SIRT1: variants seen among roughly 807,000 people sequenced by gnomAD.
SIRT1 encodes the protein NAD-dependent protein deacetylase sirtuin-1.
In SIRT1, 24 loss-of-function variants were observed where a neutral mutation model predicts 67.9. The observed-to-expected ratio is 0.35, with a 90% CI of 0.26 to 0.50. The LOEUF is 0.50. Ranked by LOEUF, SIRT1 falls within the 20% of genes least tolerant of loss-of-function variation. The probability of loss-of-function intolerance (pLI) is 0.98; values close to 1 mark genes in which losing one functional copy is unlikely to be tolerated. For missense variants in SIRT1, 873 were observed against 937.2 expected (o/e 0.93, Z 0.89); for synonymous variants, 378 against 350.7 (o/e 1.08, Z -0.87).
At chr10:67,890,957 G>A (rs992413601) in intron 3 of SIRT1, among the ~76,000 whole-genome samples, 1 of 147,554 alleles carries the variant, frequency 6.8e-6, no homozygotes, top group African/African-American at 2.5e-5. Flanking sequence ...GTGAACCCAG[G>A]AGGCGGAGCT....
chr10:67,891,972 A>G (rs1424705260), intron 4 of SIRT1, among the ~76,000 whole-genome samples: 1 of 152,234 alleles, frequency 6.6e-6, no homozygotes, highest in Non-Finnish European at 1.5e-5. Flanking sequence ...TTGTAATTAG[A>G]GAATGGGAAG....
intron 5 of SIRT1, among the ~76,000 whole-genome samples, chr10:67,907,490 CAAAAAAAAAA>C (rs373037115): frequency 1.1e-4 from 12 of 109,036 alleles, no homozygotes; most frequent in Non-Finnish European, 1.4e-4. Flanking sequence ...GAGACTCTGT[CAAAAAAAAAA>C]AAAAAAAAGA....
intron 4 of SIRT1, among the ~76,000 whole-genome samples, chr10:67,894,991 C>T (rs1220189752): frequency 3.3e-5 from 5 of 152,074 alleles, no homozygotes; most frequent in Non-Finnish European, 7.3e-5. Flanking sequence ...CCACAATGTC[C>T]AGCTGATAAA....
intron 4 of SIRT1, among the ~76,000 whole-genome samples, chr10:67,892,285 T>C (rs901015289): frequency 6.6e-6 from 1 of 152,196 alleles, no homozygotes; most frequent in African/African-American, 2.4e-5. Flanking sequence ...TAAAATGTAT[T>C]TTGGGCTGTG....
chr10:67,901,599 C>G lies in SIRT1; in HGVS notation c.943-5191C>G, dbSNP rs568283470. ...CCTTGAACAAATTAAAAAACCCAGT[C>G]TTCAGCCTTGTCTGTAGCATAATAA... On this transcript the variant is annotated intron_variant, in intron 4 of 8. Transcript: ENST00000212015. Among the ~76,000 whole-genome samples the G allele has an allele frequency of 3.9e-5, 6 of 152,308 alleles. No individual in the cohort carries two copies. In the South Asian group the frequency reaches 1.2e-3, roughly 32 times the overall value.
At position 67,912,601 on chromosome 10, in the gene SIRT1, T is replaced by C. The variant is rs142339598; in HGVS notation, c.1485T>C (p.Gly495=). ...IINELCHRLG[G]EYAKLCCNPV... ...ATGAATTGTGTCATAGGTTAGGTGGTGAATATGCCAAACTTTGCTGTAACC... is the reference window on the plus strand; with the variant it reads ...ATGAATTGTGTCATAGGTTAGGTGGCGAATATGCCAAACTTTGCTGTAACC... Residue 495 remains glycine (G), a synonymous_variant, in exon 8 of 9, where the codon GGT becomes GGC. Coordinates refer to ENST00000212015, the MANE Select transcript of SIRT1 (RefSeq NM_012238.5). The C allele has an allele frequency of 1.9e-6, 3 of 1,614,056 alleles. No individual in the cohort carries two copies. The highest frequency in any genetic ancestry group is 2.5e-6 in the Non-Finnish European group (3 of 1,180,044).
intron 4 of SIRT1, among the ~76,000 whole-genome samples, 157 bp from the exon 5 acceptor site, chr10:67,906,633 G>T (rs1208699726): frequency 1.3e-5 from 2 of 152,142 alleles, no homozygotes; most frequent in Non-Finnish European, 2.9e-5. Context: ...CCGTCCTTTT[G>T]TAGGTGTGTG....
At chr10:67,885,882 CTT>C (rs1456001732) in intron 1 of SIRT1, among the ~76,000 whole-genome samples, 1 of 149,596 alleles carries the variant, frequency 6.7e-6, no homozygotes, top group South Asian at 2.1e-4. Flanking sequence ...GAGACACAAA[CTT>C]AACACTTCTA....
chr10:67,895,230 GC>G (rs1287648491), intron 4 of SIRT1, among the ~76,000 whole-genome samples: 3 of 152,046 alleles, frequency 2.0e-5, no homozygotes, highest in African/African-American at 4.8e-5. Flanking sequence ...GACCAGCCTG[GC>G]CAACACAGCA....
chr10:67,910,143 G>A (rs1003024650), intron 7 of SIRT1, among the ~76,000 whole-genome samples: 1 of 152,096 alleles, frequency 6.6e-6, no homozygotes, highest in Non-Finnish European at 1.5e-5. Flanking sequence ...GGGAGGCCGA[G>A]GTAGGTGGAT....
intron 1 of SIRT1, 144 bp downstream of exon 1, chr10:67,885,295 G>A (rs903014425): frequency 8.1e-7 from 1 of 1,241,296 alleles, no homozygotes; most frequent in Non-Finnish European, 1.0e-6. Context: ...GTTCAGCCGC[G>A]CTCCTCCGGG....
intron 4 of SIRT1, among the ~76,000 whole-genome samples, chr10:67,896,291 C>T (rs1308973750): frequency 6.6e-6 from 1 of 152,174 alleles, no homozygotes; most frequent in Non-Finnish European, 1.5e-5. Flanking sequence ...TACCATATAC[C>T]TAGCTAAATG....
chr10:67,891,806 C>T (rs1842578678), intron 4 of SIRT1, among the ~76,000 whole-genome samples: 1 of 152,102 alleles, frequency 6.6e-6, no homozygotes, highest in African/African-American at 2.4e-5. Context: ...CAGCGATGGT[C>T]GTTATTCTGC....
intron 5 of SIRT1, among the ~76,000 whole-genome samples, chr10:67,907,373 T>A (rs543489201): frequency 6.6e-5 from 10 of 150,932 alleles, no homozygotes; most frequent in African/African-American, 1.9e-4. Flanking sequence ...CAGGCGCCTG[T>A]AATCCCAGCT....
intron 4 of SIRT1, chr10:67,906,098 C>T: frequency 1.6e-6 from 2 of 1,261,796 alleles, no homozygotes; most frequent in Non-Finnish European, 2.0e-6. Flanking sequence ...GTTGGGAGGA[C>T]CAAAATTGAT....
intron 4 of SIRT1, chr10:67,905,994 T>C (rs1292411190): frequency 1.6e-5 from 7 of 427,840 alleles, no homozygotes; most frequent in Non-Finnish European, 2.7e-5. Flanking sequence ...AGTAAGTAGA[T>C]GATAGCACTA....
chr10:67,909,433 C>T lies in SIRT1; in HGVS notation c.1348C>T (p.Leu450=), dbSNP rs1224226144. 4 of 1,601,878 alleles carry T rather than the reference C, an allele frequency of 2.5e-6. No individual in the cohort carries two copies. Among genetic ancestry groups the T allele is most frequent in the Non-Finnish European group, 3.4e-6 (4 of 1,176,880 alleles). The change falls in exon 7 of 9, where the codon CTA becomes TTA. Residue 450 remains leucine, a synonymous_variant. Transcript: ENST00000212015. The stretch of plus-strand genomic sequence containing the variant: ...TTCCCTCAAAGTAAGACCAGTAGCA[C>T]TAATTCCAAGTAAGTTGGTGATGGT... ...GSSLKVRPVA[L]IPSSIPHEVP...
At chr10:67,885,741 T>C (rs930386866) in intron 1 of SIRT1, among the ~76,000 whole-genome samples, 1 of 152,178 alleles carries the variant, frequency 6.6e-6, no homozygotes, top group Non-Finnish European at 1.5e-5. Flanking sequence ...TACCATTCTG[T>C]AATGCAGTTA....
At chr10:67,896,412 G>A (rs1007199702) in intron 4 of SIRT1, among the ~76,000 whole-genome samples, 10 of 152,258 alleles carry the variant, frequency 6.6e-5, no homozygotes, top group Middle Eastern at 3.4e-3. Flanking sequence ...ACAGAGTGTC[G>A]GGATTGTAGG....
Sources: allele counts gnomAD v4.1 joint callset (sites outside exome capture counted in the v4.1 genomes callset), GRCh38; gene constraint gnomAD v4.1.1; transcripts MANE v1.5; gene names NCBI Gene and HGNC (gene_info 2026-07-23, HGNC 2026-07-21).